The following HLA-F variants were observed in gnomAD, a reference collection of about 807,000 sequenced individuals.
HLA-F encodes major histocompatibility complex, class I, F.
Under a neutral mutation model 49.5 loss-of-function variants are expected in HLA-F, and 46 were observed. That is an observed-to-expected ratio of 0.93 (90% confidence interval 0.73 to 1.19). HLA-F has a LOEUF of 1.19. HLA-F is among the 50% of genes most tolerant of loss of function. HLA-F has a pLI of 0.00. For missense variants in HLA-F, 496 were observed against 579.6 expected (o/e 0.86, Z 1.48); for synonymous variants, 203 against 233.5 (o/e 0.87, Z 1.19).
downstream of HLA-F, chr6:29,729,008 G>T (rs1000094516): frequency 1.3e-5 from 2 of 151,742 alleles, no homozygotes; most frequent in African/African-American, 4.8e-5. Flanking sequence ...ATTTTTTTTG[G>T]CTCTAAGTGG....
intron 3 of HLA-F, chr6:29,734,943 T>G (rs531095767): frequency 1.3e-5 from 2 of 152,316 alleles, no homozygotes; most frequent in African/African-American, 4.8e-5. Flanking sequence ...GCTGATTTCC[T>G]TCACTTATCA....
intron 6 of HLA-F, chr6:29,726,380 G>A (rs753313494): frequency 1.2e-6 from 2 of 1,611,076 alleles, no homozygotes; most frequent in East Asian, 2.2e-5. Flanking sequence ...ATACGAATTT[G>A]TTCATGAATA....
At chr6:29,725,713 C>G in intron 5 of HLA-F, 150 bp downstream of exon 5, 2 of 738,366 alleles carry the variant, frequency 2.7e-6, no homozygotes, top group South Asian at 3.4e-5. Flanking sequence ...AGCACCTACT[C>G]ATTTGTAAAG....
intron 5 of HLA-F, 33 bp downstream of exon 5, chr6:29,725,596 T>G (rs748371331): frequency 6.3e-7 from 1 of 1,582,140 alleles, no homozygotes; most frequent in South Asian, 1.1e-5. Context: ...GTCTGAGTTT[T>G]CTTGTCCCAC....
intron 3 of HLA-F, chr6:29,735,374 T>TAG: frequency 1.4e-5 from 2 of 147,798 alleles, no homozygotes; most frequent in African/African-American, 4.9e-5. Context: ...TGTATATATA[T>TAG]ATATTTATAT....
intron 3 of HLA-F, among the ~76,000 whole-genome samples, chr6:29,737,494 CA>C (rs888511268): frequency 1.3e-5 from 2 of 152,004 alleles, no homozygotes; most frequent in Non-Finnish European, 2.9e-5. Context: ...CCATGTAAGC[CA>C]GGATGTGCTT....
At chr6:29,729,784 CTA>C (rs1469366664), downstream of HLA-F, among the ~76,000 whole-genome samples, 10 of 152,164 alleles carry the variant, frequency 6.6e-5, no homozygotes, top group Admixed American at 5.9e-4. Context: ...ACATAAAGAA[CTA>C]TGACTTAACA....
chr6:29,728,077 G>A (rs2735059), downstream of HLA-F: 218,349 of 518,512 alleles, frequency 0.42, 47,342 homozygotes, highest in Non-Finnish European at 0.46. Flanking sequence ...GAGTGAGGAG[G>A]AGGTGCTACC....
intron 6 of HLA-F, chr6:29,726,269 G>GC (rs201715782): frequency 9.6e-7 from 1 of 1,038,978 alleles, no homozygotes. Context: ...TGGGGTGTTG[G>GC]GGGGGAACAG....
intron 3 of HLA-F, among the ~76,000 whole-genome samples, chr6:29,737,236 A>AAAAAAAAAAAAAAAAAAC (rs1562312636): frequency 6.6e-6 from 1 of 150,720 alleles, no homozygotes; most frequent in African/African-American, 2.4e-5. Context: ...AAAAAAAAAA[A>AAAAAAAAAAAAAAAAAAC]AAAAACCCTG....
intron 3 of HLA-F, among the ~76,000 whole-genome samples, chr6:29,734,049 G>A (rs908265836): frequency 1.3e-5 from 2 of 152,192 alleles, no homozygotes; most frequent in Non-Finnish European, 2.9e-5. Context: ...CCCTGGGCAT[G>A]AGCCACACCA....
At chr6:29,732,081 CAAACACTGGGGTACCT>C (rs1435550997), downstream of HLA-F, among the ~76,000 whole-genome samples, 1 of 152,164 alleles carries the variant, frequency 6.6e-6, no homozygotes, top group Non-Finnish European at 1.5e-5. Flanking sequence ...CTTCCCACCT[CAAACACTGGGGTACCT>C]AGGACTACAG....
At chr6:29,729,067 A>C (rs1014609351), downstream of HLA-F, 15 of 152,170 alleles carry the variant, frequency 9.9e-5, no homozygotes, top group Non-Finnish European at 1.0e-4. Flanking sequence ...TTATGTGAGC[A>C]AGCAACCCTC....
At position 29,725,277 on chromosome 6, in the gene HLA-F, G is replaced by T; in HGVS notation, c.857G>T (p.Gly286Val). 2 of 1,614,196 alleles carry T rather than the reference G, an allele frequency of 1.2e-6. No individual in the cohort carries two copies. The highest frequency in any genetic ancestry group is 1.7e-6 in the Non-Finnish European group (2 of 1,180,032). Residue 286 changes from glycine to valine, a missense_variant, in exon 4 of 7, where the codon GGG becomes GTG. Gly to Val is a moderately radical substitution (Grantham distance 109). Transcript: ENST00000259951. ...QRYTCHVQHE[G>V]LPQPLILRWE... Reference sequence around the variant, plus strand: ...TACACATGCCATGTGCAGCACGAGGGGCTGCCCCAGCCCCTCATCCTGAGA... The same window carrying T: ...TACACATGCCATGTGCAGCACGAGGTGCTGCCCCAGCCCCTCATCCTGAGA...
In HLA-F at chr6:29,724,164, A is replaced by AC; in HGVS notation, c.335-7dup. ...TAGCTGGGCGGGGCTGACTGCGGGG[A>AC]CCGGCTAGGGTCTCACACCCTCCAG... is the stretch of plus-strand genomic sequence containing the variant. On this transcript the variant is annotated splice_polypyrimidine_tract_variant and intron_variant, in intron 2 of 6. Coordinates refer to ENST00000259951, the MANE Select transcript of HLA-F (RefSeq NM_001098479.2). 6.2e-7 allele frequency: 1 copy of AC among 1,612,592 alleles called. No individual in the cohort carries two copies. Among genetic ancestry groups the AC allele is most frequent in the Non-Finnish European group, 8.5e-7 (1 of 1,179,828 alleles).
downstream of HLA-F, chr6:29,728,272 G>C: frequency 2.8e-6 from 1 of 360,382 alleles, no homozygotes; most frequent in Admixed American, 3.6e-5. Context: ...TGAAGGAAAA[G>C]TGTGGTCCCA....
At chr6:29,730,161 C>T (rs1040106319), downstream of HLA-F, among the ~76,000 whole-genome samples, 3 of 152,128 alleles carry the variant, frequency 2.0e-5, no homozygotes, top group Admixed American at 6.5e-5. Context: ...TGGAAGCAAC[C>T]GAGTGTCCAT....
intron 3 of HLA-F, among the ~76,000 whole-genome samples, chr6:29,733,114 G>T (rs566382808): frequency 6.6e-6 from 1 of 151,890 alleles, no homozygotes; most frequent in African/African-American, 2.4e-5. Flanking sequence ...ACTTGAACCC[G>T]AGAGGCGGAG....
chr6:29,737,659 CGTGGG>C (rs1273205673), intron 3 of HLA-F: 1 of 152,052 alleles, frequency 6.6e-6, no homozygotes, highest in African/African-American at 2.4e-5. Flanking sequence ...TTATGGTACC[CGTGGG>C]GTTTTTTATG....
Sources: allele counts gnomAD v4.1 joint callset (sites outside exome capture counted in the v4.1 genomes callset), GRCh38; gene constraint gnomAD v4.1.1; transcripts MANE v1.5; gene names NCBI Gene and HGNC (gene_info 2026-07-23, HGNC 2026-07-21).